The following QSER1 variants were observed in gnomAD, a reference collection of about 807,000 sequenced individuals.
QSER1 encodes the protein glutamine and serine rich 1.
Under a neutral mutation model 158.5 loss-of-function variants are expected in QSER1, and 49 were observed. The ratio of observed to expected loss-of-function variants is 0.31; its 90% CI spans 0.25 to 0.39. QSER1 has a LOEUF of 0.39. QSER1 is among the 10% of genes least tolerant of loss of function. The pLI is 1.00. For missense variants in QSER1, 1,754 were observed against 2,010.3 expected (o/e 0.87, Z 2.44); for synonymous variants, 650 against 715.5 (o/e 0.91, Z 1.46).
chr11:32,913,012 AGTTTG>A (rs1470091413), intron 1 of QSER1, among the ~76,000 whole-genome samples: 1 of 152,046 alleles, frequency 6.6e-6, no homozygotes, highest in African/African-American at 2.4e-5. Context: ...AATATTCCAT[AGTTTG>A]GTTCCTGTCT....
In QSER1 at chr11:32,896,024, G is replaced by A. The variant is rs190136571; in HGVS notation, c.209+2690G>A. On this transcript the variant is annotated intron_variant, in intron 1 of 12. Coordinates refer to ENST00000650167, the MANE Select transcript of QSER1 (RefSeq NM_001076786.3). ...CTTGGAAAGTACAGGGATAAGGACT[G>A]GCCATATAAATCTTCATTTATTTAT... Among the ~76,000 whole-genome samples, 11 of 152,246 alleles carry A rather than the reference G, an allele frequency of 7.2e-5. No individual in the cohort carries two copies. The East Asian group carries it at 1.9e-3, about 27-fold the overall frequency.
intron 1 of QSER1, among the ~76,000 whole-genome samples, chr11:32,903,964 AACTTATCTGTTC>A (rs1178678486): frequency 1.4e-4 from 22 of 152,078 alleles, no homozygotes; most frequent in African/African-American, 5.3e-4. Flanking sequence ...TTTTGTAAAA[AACTTATCTGTTC>A]CTTGGGTTAA....
chr11:32,943,629 G>A (rs1375943105), intron 4 of QSER1, among the ~76,000 whole-genome samples: 3 of 150,728 alleles, frequency 2.0e-5, no homozygotes, highest in African/African-American at 4.9e-5. Flanking sequence ...TGCTGGATTC[G>A]GTTTGCCAGT....
At position 32,958,078 on chromosome 11, in the gene QSER1, A is replaced by G. The variant is rs1852554897; in HGVS notation, c.4961A>G (p.Asp1654Gly). ...SSPEIHTSSS[D>G]DEEFEPPAPF... ...CCTGAGATCCATACTAGTAGTAGTG[A>G]CGATGAGGGTGAGTTTTCCGTGAAA... is the stretch of plus-strand genomic sequence containing the variant. Residue 1654 changes from aspartate (D) to glycine (G), a missense_variant, in exon 8 of 13, where the codon GAC becomes GGC. Physicochemically the swap from Asp to Gly is moderately conservative, Grantham distance 94. Around this residue, in one of 2 missense-constraint regions of QSER1, gnomAD observed 1,707 missense variants for 1,919.6 expected, o/e 0.89. Transcript: ENST00000650167. The G allele has an allele frequency of 3.1e-6, 5 of 1,613,436 alleles. No individual in the cohort carries two copies. In the East Asian group the frequency reaches 1.1e-4, roughly 36 times the overall value.
Position 32,934,775 on chromosome 11 carries a change from G to T in QSER1, c.3517G>T (p.Ala1173Ser). The T allele has an allele frequency of 6.2e-7, 1 of 1,614,026 alleles. No homozygotes were observed. The highest frequency in any genetic ancestry group is 8.5e-7 in the Non-Finnish European group (1 of 1,179,978). The stretch of plus-strand genomic sequence containing the variant: ...AATGAACCCAGCTAGGAGTGCACTT[G>T]CACTGTTGGCCATGGCCCAATCTGG... ...VSMNPARSAL[A>S]LLAMAQSGDA... The change falls in exon 4 of 13, where the codon GCA (alanine) becomes TCA (serine). Residue 1173 changes from alanine to serine, a missense_variant. Physicochemically the swap from Ala to Ser is moderately conservative, Grantham distance 99 (BLOSUM62 1). Around this residue, in one of 2 missense-constraint regions of QSER1, gnomAD observed 1,707 missense variants for 1,919.6 expected, o/e 0.89. Coordinates refer to ENST00000650167, the MANE Select transcript of QSER1 (RefSeq NM_001076786.3).
At chr11:32,941,393 C>CA (rs1564938020) in intron 4 of QSER1, among the ~76,000 whole-genome samples, 1 of 132,964 alleles carries the variant, frequency 7.5e-6, no homozygotes, top group African/African-American at 2.8e-5. Flanking sequence ...CTCCACCCCC[C>CA]ACAACAGTCC....
At chr11:32,924,736 G>T (rs1183561926) in intron 1 of QSER1, among the ~76,000 whole-genome samples, 1 of 152,002 alleles carries the variant, frequency 6.6e-6, no homozygotes. Flanking sequence ...ACCCAGGTTT[G>T]GTTTTATTTT....
chr11:32,903,251 T>A (rs1413349622), intron 1 of QSER1, among the ~76,000 whole-genome samples: 1 of 151,804 alleles, frequency 6.6e-6, no homozygotes, highest in Non-Finnish European at 1.5e-5. Flanking sequence ...AGGGTATGGG[T>A]AGTTCAGAGA....
At chr11:32,937,647 A>C (rs975719344) in intron 4 of QSER1, among the ~76,000 whole-genome samples, 1 of 152,204 alleles carries the variant, frequency 6.6e-6, no homozygotes, top group African/African-American at 2.4e-5. Context: ...AACAGATTCA[A>C]CTTTATAAAA....
intron 4 of QSER1, among the ~76,000 whole-genome samples, chr11:32,949,686 T>C (rs922126777): frequency 2.0e-5 from 3 of 152,216 alleles, no homozygotes; most frequent in Non-Finnish European, 2.9e-5. Context: ...AACTATAGCA[T>C]TATAGAAATA....
chr11:32,909,158 C>CA (rs1484778912), intron 1 of QSER1, among the ~76,000 whole-genome samples: 1 of 152,060 alleles, frequency 6.6e-6, no homozygotes, highest in Admixed American at 6.5e-5. Context: ...GACTCCATCT[C>CA]AAAAAATGAA....
intron 4 of QSER1, among the ~76,000 whole-genome samples, chr11:32,946,567 T>G (rs184413617): frequency 6.6e-6 from 1 of 152,204 alleles, no homozygotes; most frequent in Non-Finnish European, 1.5e-5. Flanking sequence ...GTGACCCACT[T>G]TAGGAGGCAG....
At chr11:32,961,555 C>T (rs1447535308) in intron 8 of QSER1, among the ~76,000 whole-genome samples, 2 of 152,106 alleles carry the variant, frequency 1.3e-5, no homozygotes, top group African/African-American at 2.4e-5. Flanking sequence ...TTGTATAACC[C>T]TCACCTATAT....
intron 1 of QSER1, among the ~76,000 whole-genome samples, chr11:32,911,487 T>A (rs771121140): frequency 2.6e-5 from 4 of 152,254 alleles, no homozygotes; most frequent in Non-Finnish European, 5.9e-5. Flanking sequence ...AGTTGATCCC[T>A]ATGATATGGT....
At chr11:32,962,691 A>G (rs1480819775) in intron 8 of QSER1, among the ~76,000 whole-genome samples, 3 of 152,320 alleles carry the variant, frequency 2.0e-5, no homozygotes, top group East Asian at 1.9e-4. Flanking sequence ...GCACTCATCA[A>G]TTCTATGAAT....
At chr11:32,907,590 A>G (rs1347023793) in intron 1 of QSER1, among the ~76,000 whole-genome samples, 1 of 152,260 alleles carries the variant, frequency 6.6e-6, no homozygotes, top group Non-Finnish European at 1.5e-5. Context: ...ATACATTTGA[A>G]TCATGGAAAT....
At chr11:32,951,323 A>G (rs1471221499) in intron 4 of QSER1, among the ~76,000 whole-genome samples, 1 of 152,116 alleles carries the variant, frequency 6.6e-6, no homozygotes, top group African/African-American at 2.4e-5. Context: ...CACAGTCTGT[A>G]TTTCTATAGC....
chr11:32,960,037 G>A (rs1221005339), intron 8 of QSER1, among the ~76,000 whole-genome samples: 1 of 151,976 alleles, frequency 6.6e-6, no homozygotes, highest in Admixed American at 6.6e-5. Flanking sequence ...AAAGTGCTGG[G>A]ATTATAGGCA....
chr11:32,920,399 G>A (rs1158272970), intron 1 of QSER1, among the ~76,000 whole-genome samples: 1 of 152,212 alleles, frequency 6.6e-6, no homozygotes. Context: ...CATCCTAAAT[G>A]TAAAAGCTAA....
Sources: gnomAD v4.1 joint callset for allele counts (sites outside exome capture counted in the v4.1 genomes callset) on GRCh38, gnomAD v4.1.1 for gene constraint, gnomAD v4.1.1 regional missense constraint, MANE v1.5 for transcripts, NCBI Gene and HGNC (gene_info 2026-07-23, HGNC 2026-07-21) for gene names.